Variants in PPM1K observed in about 807,000 individuals in gnomAD.
PPM1K encodes the protein protein phosphatase Mn(2+)-dependent 1K.
Under a neutral mutation model 32.6 loss-of-function variants are expected in PPM1K, and 19 were observed. The observed-to-expected ratio is 0.58, with a 90% CI of 0.41 to 0.86. The LOEUF is 0.86. PPM1K is among the 40% of genes least tolerant of loss of function. PPM1K has a pLI of 0.00. For missense variants in PPM1K, 362 were observed against 461.2 expected, an observed-to-expected ratio of 0.78 and a Z score of 1.97; for synonymous variants, 159 against 165.3, an observed-to-expected ratio of 0.96 and a Z score of 0.29.
chr4:88,278,471 C>T lies in PPM1K; in HGVS notation c.113G>A (p.Cys38Tyr). ...LQDDRRVTPT[C>Y]HSSTSEPRCS... Reference sequence around the variant, plus strand: ...CCTAGGCTCTGAAGTGGAGCTGTGGCACGTGGGTGTCACCCGCCTGTCGTC... The same window carrying T: ...CCTAGGCTCTGAAGTGGAGCTGTGGTACGTGGGTGTCACCCGCCTGTCGTC... Residue 38 changes from cysteine to tyrosine, a missense_variant, in exon 2 of 7, where the codon TGC (cysteine) becomes TAC (tyrosine). By Grantham distance (194) the Cys-to-Tyr change is radical. Coordinates refer to ENST00000608933, the MANE Select transcript of PPM1K (RefSeq NM_152542.5). The surrounding 1 kb of genome is among the most constrained non-coding windows in gnomAD (Gnocchi z 4.2). 1 of 1,614,150 alleles carries T rather than the reference C, an allele frequency of 6.2e-7. No individual in the cohort carries two copies. Among genetic ancestry groups the T allele is most frequent in the African/African-American group, 1.3e-5 (1 of 75,026 alleles).
Position 88,257,828 on chromosome 4 carries a change from A to C in PPM1K, c.*4767T>G, listed in dbSNP as rs1169801576. ...CACAAGGGCACTTCAGTAGAAATTAAATCAGTTTGGGGACACATCAGGCTG... is the reference window on the plus strand; with the variant it reads ...CACAAGGGCACTTCAGTAGAAATTACATCAGTTTGGGGACACATCAGGCTG... On this transcript the variant is annotated 3_prime_UTR_variant, in exon 7 of 7. Coordinates refer to ENST00000608933, the MANE Select transcript of PPM1K (RefSeq NM_152542.5). The C allele has an allele frequency of 6.6e-6, 1 of 152,192 alleles. No homozygotes were observed. Among genetic ancestry groups the C allele is most frequent in the Non-Finnish European group, 1.5e-5 (1 of 68,032 alleles). 9.4% of individuals were successfully genotyped at this position (152,192 alleles called of 1,614,324 possible).
rs1353199375 is a variant in PPM1K at position 88,277,830 on chromosome 4, C to G, written c.440+314G>C. 11 of 405,464 alleles carry G rather than the reference C, an allele frequency of 2.7e-5. No individual in the cohort carries two copies. In the East Asian group the frequency reaches 5.7e-4, roughly 21 times the overall value. 25.1% of individuals were successfully genotyped at this position (405,464 alleles called of 1,614,324 possible). On this transcript the variant is annotated intron_variant, in intron 2 of 6. Transcript: ENST00000608933. ...CCATTTACTGAAGCACTTATCTGTC[C>G]TACACTGATGGGAGTAAATGCTTCT...
Position 88,266,932 on chromosome 4 carries a change from TTGAC to T in PPM1K, c.852+1254_852+1257del, listed in dbSNP as rs1417143980. ...GCTGATTGGGTGCAGGTGGTGCTGG[TTGAC>T]TGGGTGCAGGTGCTGCTGATTGGGT... On this transcript the variant is annotated intron_variant, in intron 5 of 6. Transcript: ENST00000608933. Among the ~76,000 whole-genome samples, 21 of 126,134 alleles carry T rather than the reference TTGAC, an allele frequency of 1.7e-4. No individual in the cohort carries two copies. The South Asian group carries it at 2.6e-3, about 15-fold the overall frequency. 82.7% of individuals were successfully genotyped at this position (126,134 alleles called of 152,430 possible). A position where few individuals can be genotyped will look rare whatever the true frequency, so the allele number is the denominator to read the frequency against.
chr4:88,275,474 A>G, intron 3 of PPM1K: 1 of 985,416 alleles, frequency 1.0e-6, no homozygotes, highest in African/African-American at 1.7e-5. Context: ...GTCCTGTCAT[A>G]TTTTACATCA....
intron 5 of PPM1K, 27 bp from the exon 6 acceptor site, chr4:88,265,162 T>G: frequency 6.2e-7 from 1 of 1,613,714 alleles, no homozygotes; most frequent in South Asian, 1.1e-5. Flanking sequence ...ATGCCTATGA[T>G]TATAAGCTAG....
In PPM1K at chr4:88,278,340, T is replaced by C. The variant is rs1166337900; in HGVS notation, c.244A>G (p.Lys82Glu). 1 of 1,614,168 alleles carries C rather than the reference T, an allele frequency of 6.2e-7. No homozygotes were observed. The highest frequency in any genetic ancestry group is 1.1e-5 in the South Asian group (1 of 91,082). ...DEPILLPPSI[K>E]YGKPIPKISL... ...ATTTTGGGAATTGGCTTGCCATACT[T>C]AATGCTGGGTGGCAGCAGAATTGGC... is the stretch of plus-strand genomic sequence containing the variant. Residue 82 changes from lysine to glutamate, a missense_variant, in exon 2 of 7, where the codon AAG (lysine) becomes GAG (glutamate). Coordinates refer to ENST00000608933, the MANE Select transcript of PPM1K (RefSeq NM_152542.5). The surrounding 1 kb of genome is among the most constrained non-coding windows in gnomAD (Gnocchi z 4.2).
rs1250747685 is a variant in PPM1K at position 88,258,269 on chromosome 4, G to A, written c.*4326C>T. On this transcript the variant is annotated 3_prime_UTR_variant, in exon 7 of 7. Transcript: ENST00000608933. Reference sequence around the variant, plus strand: ...TCTAAGGAAAGAAACTAAATGTCCTGTTTGATATTGATGAGTAGGCCTACT... The same window carrying A: ...TCTAAGGAAAGAAACTAAATGTCCTATTTGATATTGATGAGTAGGCCTACT... The A allele has an allele frequency of 6.6e-6, 1 of 151,978 alleles. No homozygotes were observed. The highest frequency in any genetic ancestry group is 2.4e-5 in the African/African-American group (1 of 41,384). The allele number at this position is 151,978 out of a possible 1,614,324, so 9.4% of individuals were successfully genotyped here. A position where few individuals can be genotyped will look rare whatever the true frequency, so the allele number is the denominator to read the frequency against.
At chr4:88,266,794 GGATGACTGGGTGCAGGTGATGCTA>G (rs1474993901) in intron 5 of PPM1K, among the ~76,000 whole-genome samples, 4 of 149,274 alleles carry the variant, frequency 2.7e-5, no homozygotes, top group South Asian at 2.1e-4. Flanking sequence ...AGGTGATGCT[GGATGACTGGGTGCAGGTGATGCTA>G]GATGACTGGG....
intron 2 of PPM1K, 93 bp from the exon 3 acceptor site, chr4:88,277,336 C>T (rs111809778): frequency 4.2e-5 from 34 of 817,094 alleles, no homozygotes; most frequent in East Asian, 2.1e-4. Flanking sequence ...TTCCACACAA[C>T]GGGCCTCAGG....
At position 88,276,438 on chromosome 4, in the gene PPM1K, C is replaced by T. The variant is rs145318704; in HGVS notation, c.541+705G>A. On this transcript the variant is annotated intron_variant, in intron 3 of 6. Transcript: ENST00000608933. ...GATTTGGGACTAGCTAACTAGAAAA[C>T]GTTTGCTGAATTTTCGTGAAATGGT... 582 of 985,302 alleles carry T rather than the reference C, an allele frequency of 5.9e-4. 5 individuals carry two copies. In the African/African-American group the frequency reaches 7.0e-3, roughly 12 times the overall value. 61.0% of individuals were successfully genotyped at this position (985,302 alleles called of 1,614,324 possible). A position where few individuals can be genotyped will look rare whatever the true frequency, so the allele number is the denominator to read the frequency against.
At chr4:88,277,288 T>C (rs915064586) in intron 2 of PPM1K, 45 bp from the exon 3 acceptor site, 6 of 1,303,164 alleles carry the variant, frequency 4.6e-6, no homozygotes, top group South Asian at 1.2e-5. Context: ...CATTTTACAA[T>C]AGGTTTTTCT....
chr4:88,268,575 T>C (rs1011857647), intron 4 of PPM1K, among the ~76,000 whole-genome samples, 166 bp downstream of exon 4: 3 of 152,046 alleles, frequency 2.0e-5, no homozygotes, highest in Non-Finnish European at 2.9e-5. Flanking sequence ...GAGCCAAGAT[T>C]GCGCCACTGC....
Position 88,278,065 on chromosome 4 carries a change from G to C in PPM1K, c.440+79C>G. 1 of 1,217,198 alleles carries C rather than the reference G, an allele frequency of 8.2e-7. No individual in the cohort carries two copies. The highest frequency in any genetic ancestry group is 2.4e-5 in the East Asian group (1 of 41,570). 75.4% of individuals were successfully genotyped at this position (1,217,198 alleles called of 1,614,324 possible). A position where few individuals can be genotyped will look rare whatever the true frequency, so the allele number is the denominator to read the frequency against. ...CACTCAAGTAACTATGTTTACGCTG[G>C]AAGCCTCAGCCAAAGGGTGAAAGTT... On this transcript the variant is annotated intron_variant, in intron 2 of 6. Coordinates refer to ENST00000608933, the MANE Select transcript of PPM1K (RefSeq NM_152542.5). The surrounding 1 kb of genome is among the most constrained non-coding windows in gnomAD (Gnocchi z 4.2).
At chr4:88,270,912 A>G (rs1731533557) in intron 3 of PPM1K, 1 of 297,856 alleles carries the variant, frequency 3.4e-6, no homozygotes, top group Non-Finnish European at 6.7e-6. Context: ...TTCATTTAAC[A>G]TTTAACATGG....
chr4:88,277,165 A>G lies in PPM1K; in HGVS notation c.519T>C (p.Ser173=). 1.9e-6 allele frequency: 3 copies of G among 1,613,886 alleles called. No individual in the cohort carries two copies. The South Asian group carries it at 3.3e-5, about 18-fold the overall frequency. The change falls in exon 3 of 7, where the codon AGT becomes AGC. Residue 173 remains serine, a synonymous_variant. Coordinates refer to ENST00000608933, the MANE Select transcript of PPM1K (RefSeq NM_152542.5). ...AFLEIDKAFS[S]HARLSADATL... is the part of the protein sequence containing the mutation. ...TACCATCAGCAGACAGGCGGGCATG[A>G]CTCGAAAAGGCTTTATCTATTTCTA...
chr4:88,264,880 T>C, intron 6 of PPM1K, 121 bp downstream of exon 6: 2 of 1,041,648 alleles, frequency 1.9e-6, no homozygotes, highest in Non-Finnish European at 2.7e-6. Flanking sequence ...AATTTTATAA[T>C]TGGAAATATT....
chr4:88,278,931 C>T lies in PPM1K; in HGVS notation c.-59-289G>A, dbSNP rs1731903865. The T allele has an allele frequency of 4.2e-6, 1 of 237,606 alleles. No individual in the cohort carries two copies. Among genetic ancestry groups the T allele is most frequent in the South Asian group, 6.1e-5 (1 of 16,342 alleles). The allele number at this position is 237,606 out of a possible 1,614,324, so 14.7% of individuals were successfully genotyped here. On this transcript the variant is annotated intron_variant, in intron 1 of 6. Transcript: ENST00000608933. The surrounding 1 kb of genome is among the most constrained non-coding windows in gnomAD (Gnocchi z 4.2). ...AATTCTATAAAAATTTAACAGTGTG[C>T]ACATACACAGAACATGTATCTCTTA...
chr4:88,276,736 A>C (rs1731780782), intron 3 of PPM1K: 3 of 989,152 alleles, frequency 3.0e-6, no homozygotes, highest in South Asian at 4.6e-5. Flanking sequence ...GCTAGATGTG[A>C]TTACCCTGTA....
Position 88,278,432 on chromosome 4 carries a change from T to G in PPM1K, c.152A>C (p.Asp51Ala). ...AGCTGGACTCCCACTACCATCTGGG[T>G]CAAACCGAGAACACCTAGGCTCTGA... ...STSEPRCSRF[D>A]PDGSGSPATW... The change falls in exon 2 of 7, where the codon GAC (aspartate) becomes GCC (alanine). Residue 51 changes from aspartate (D) to alanine (A), a missense_variant. Coordinates refer to ENST00000608933, the MANE Select transcript of PPM1K (RefSeq NM_152542.5). The surrounding 1 kb of genome is among the most constrained non-coding windows in gnomAD (Gnocchi z 4.2). The G allele has an allele frequency of 6.2e-7, 1 of 1,614,148 alleles. No individual in the cohort carries two copies. Among genetic ancestry groups the G allele is most frequent in the Non-Finnish European group, 8.5e-7 (1 of 1,180,046 alleles).
Sources: allele counts gnomAD v4.1 joint callset (sites outside exome capture counted in the v4.1 genomes callset), GRCh38; gene constraint gnomAD v4.1.1; non-coding constraint Gnocchi (gnomAD v3.1); transcripts MANE v1.5; gene names NCBI Gene and HGNC (gene_info 2026-07-23, HGNC 2026-07-21).